HCN1: variants seen among roughly 807,000 people sequenced by gnomAD.
The protein encoded by HCN1 is potassium/sodium hyperpolarization-activated cyclic nucleotide-gated channel 1.
HCN1 carries 13 observed loss-of-function variants against 78.9 expected under a neutral mutation model. The observed-to-expected ratio is 0.16, with a 90% confidence interval of 0.11 to 0.26. The LOEUF (loss-of-function observed/expected upper bound fraction) is 0.26, where lower values mean the gene tolerates loss of function less well. HCN1 is among the 10% of genes least tolerant of loss of function. The pLI is 1.00. For missense variants in HCN1, 810 were observed against 1,154.3 expected (o/e 0.70, Z 4.32); for synonymous variants, 552 against 455.5 (o/e 1.21, Z -2.70).
At position 45,562,068 on chromosome 5, in the gene HCN1, C is replaced by T. The variant is rs376289984; in HGVS notation, c.849+83117G>A. ...GGAGGGCGGTCATGGGAAACTACCACATTTTTAGTCAGTTGAACAGAAGTA... is the reference window on the plus strand; with the variant it reads ...GGAGGGCGGTCATGGGAAACTACCATATTTTTAGTCAGTTGAACAGAAGTA... On this transcript the variant is annotated intron_variant, in intron 2 of 7. Coordinates refer to ENST00000303230, the MANE Select transcript of HCN1 (RefSeq NM_021072.4). 1.7e-4 allele frequency among the ~76,000 whole-genome samples: 26 copies of T among 152,234 alleles called. 2 individuals are homozygous for T. The highest frequency in any genetic ancestry group is 6.0e-4 in the African/African-American group (25 of 41,572).
chr5:45,598,682 A>G (rs1744557577), intron 2 of HCN1, among the ~76,000 whole-genome samples: 1 of 152,214 alleles, frequency 6.6e-6, no homozygotes, highest in African/African-American at 2.4e-5. Context: ...ACAAAGTGCT[A>G]ATATCCAGAA....
chr5:45,449,993 C>T (rs772482436), intron 3 of HCN1, among the ~76,000 whole-genome samples: 2 of 152,092 alleles, frequency 1.3e-5, no homozygotes, highest in South Asian at 2.1e-4. Flanking sequence ...CCACCACGTC[C>T]GGCTAATTTT....
chr5:45,323,669 C>T (rs1206643556), intron 5 of HCN1, among the ~76,000 whole-genome samples: 1 of 151,842 alleles, frequency 6.6e-6, no homozygotes, highest in Admixed American at 6.6e-5. Context: ...CACCCATTAA[C>T]TCGTCATTTA....
At chr5:45,551,754 A>C (rs938216110) in intron 2 of HCN1, among the ~76,000 whole-genome samples, 1 of 151,972 alleles carries the variant, frequency 6.6e-6, no homozygotes, top group Non-Finnish European at 1.5e-5. Flanking sequence ...GATTACTCCG[A>C]ACAACTCTAT....
chr5:45,594,973 C>T (rs149274449), intron 2 of HCN1, among the ~76,000 whole-genome samples: 3 of 152,174 alleles, frequency 2.0e-5, no homozygotes, highest in African/African-American at 7.2e-5. Context: ...GAGCTCAGGG[C>T]AGATGTGGTG....
intron 3 of HCN1, among the ~76,000 whole-genome samples, chr5:45,440,525 C>A (rs1740649004): frequency 6.6e-6 from 1 of 152,166 alleles, no homozygotes; most frequent in South Asian, 2.1e-4. Flanking sequence ...GTCTGATATA[C>A]TTAGGTAGGC....
intron 6 of HCN1, among the ~76,000 whole-genome samples, chr5:45,267,520 A>G (rs371990066): frequency 6.6e-6 from 1 of 151,698 alleles, no homozygotes; most frequent in East Asian, 1.9e-4. Context: ...CTGTAATCCC[A>G]GCACTTTGGG....
Position 45,342,395 on chromosome 5 carries a change from A to ATTT in HCN1, c.1377+10702_1377+10704dup, listed in dbSNP as rs34854398. ...CAGGTGCATGCCACTACACCTGGCT[A>ATTT]TTTTTTTTTTTTTTGTATTTTTTAT... On this transcript the variant is annotated intron_variant, in intron 5 of 7. Coordinates refer to ENST00000303230, the MANE Select transcript of HCN1 (RefSeq NM_021072.4). Among the ~76,000 whole-genome samples the ATTT allele has an allele frequency of 9.4e-3, 1,289 of 137,136 alleles. 32 individuals carry two copies. The highest frequency in any genetic ancestry group is 0.033 in the African/African-American group (1,254 of 37,490). The allele number at this position is 137,136 out of a possible 152,430, so 90.0% of individuals were successfully genotyped here.
chr5:45,538,909 T>C lies in HCN1; in HGVS notation c.850-76902A>G, dbSNP rs73101268. The stretch of plus-strand genomic sequence containing the variant: ...GCTAGTTTCCAGGTTTCAGGTACTG[T>C]GAAATAAGATTCCTAAGTCACATGT... On this transcript the variant is annotated intron_variant, in intron 2 of 7. Transcript: ENST00000303230. Among the ~76,000 whole-genome samples, 1,314 of 152,344 alleles carry C rather than the reference T, an allele frequency of 8.6e-3. 26 individuals carry two copies. Among genetic ancestry groups the C allele is most frequent in the African/African-American group, 0.031 (1,287 of 41,580 alleles).
intron 1 of HCN1, among the ~76,000 whole-genome samples, chr5:45,690,876 T>C (rs771999406): frequency 3.3e-5 from 5 of 152,074 alleles, no homozygotes; most frequent in Non-Finnish European, 5.9e-5. Flanking sequence ...GAGACTCTAT[T>C]TGAAAGTTCT....
At chr5:45,348,899 C>G (rs995488469) in intron 5 of HCN1, among the ~76,000 whole-genome samples, 1 of 152,144 alleles carries the variant, frequency 6.6e-6, no homozygotes, top group African/African-American at 2.4e-5. Flanking sequence ...TACAAAGAGA[C>G]TTAGACTCCC....
chr5:45,639,784 C>T (rs2112023929), intron 2 of HCN1, among the ~76,000 whole-genome samples: 1 of 152,274 alleles, frequency 6.6e-6, no homozygotes, highest in South Asian at 2.1e-4. Flanking sequence ...AACCTCTCTT[C>T]TAACTGGTGG....
intron 2 of HCN1, among the ~76,000 whole-genome samples, chr5:45,603,167 A>G (rs1744658424): frequency 1.3e-5 from 2 of 152,168 alleles, no homozygotes; most frequent in South Asian, 4.1e-4. Context: ...ACCCAAGTGT[A>G]CCCTGTTATA....
intron 5 of HCN1, among the ~76,000 whole-genome samples, chr5:45,307,281 A>C (rs1004145013): frequency 1.3e-5 from 2 of 152,160 alleles, no homozygotes; most frequent in Admixed American, 1.3e-4. Flanking sequence ...AATTTCAAAT[A>C]ATTCATATAA....
chr5:45,340,799 G>A (rs528584853), intron 5 of HCN1, among the ~76,000 whole-genome samples: 83 of 152,182 alleles, frequency 5.5e-4, no homozygotes, highest in Admixed American at 2.2e-3. Context: ...TCTAGTTTAA[G>A]GCACTAAGAA....
At chr5:45,666,916 A>C (rs1293371807) in intron 1 of HCN1, among the ~76,000 whole-genome samples, 1 of 152,036 alleles carries the variant, frequency 6.6e-6, no homozygotes, top group Non-Finnish European at 1.5e-5. Flanking sequence ...TCCAGAAAAA[A>C]TCAGGGGGGT....
At chr5:45,549,228 G>A (rs371200124) in intron 2 of HCN1, among the ~76,000 whole-genome samples, 23 of 149,358 alleles carry the variant, frequency 1.5e-4, no homozygotes, top group Non-Finnish European at 2.1e-4. Flanking sequence ...GAGGCATCAC[G>A]CTACCTGACT....
chr5:45,512,434 T>C (rs1742433473), intron 2 of HCN1, among the ~76,000 whole-genome samples: 2 of 152,116 alleles, frequency 1.3e-5, no homozygotes, highest in African/African-American at 4.8e-5. Context: ...ATTAGAAAGC[T>C]GGCCCCATAG....
chr5:45,466,300 T>C (rs1741270025), intron 2 of HCN1, among the ~76,000 whole-genome samples: 1 of 152,188 alleles, frequency 6.6e-6, no homozygotes, highest in Non-Finnish European at 1.5e-5. Context: ...TGTTCTATTT[T>C]GTCTTCCTTA....
Sources: gnomAD v4.1 joint callset for allele counts (sites outside exome capture counted in the v4.1 genomes callset) on GRCh38, gnomAD v4.1.1 for gene constraint, MANE v1.5 for transcripts, NCBI Gene and HGNC (gene_info 2026-07-23, HGNC 2026-07-21) for gene names.